EGFR: variants seen among roughly 807,000 people sequenced by gnomAD.
EGFR encodes avian erythroblastic leukemia viral (v-erb-b) oncogene homolog.
In EGFR, 58 loss-of-function variants were observed where a neutral mutation model predicts 143.0. That is an observed-to-expected ratio of 0.41 (90% confidence interval 0.33 to 0.50). The LOEUF (loss-of-function observed/expected upper bound fraction) is 0.50, where lower values mean the gene tolerates loss of function less well. Among genes scored for constraint, EGFR ranks in the 20% least tolerant of loss-of-function variants. The pLI, the probability that EGFR is intolerant of heterozygous loss-of-function variation, is 0.39. For missense variants in EGFR, 1,307 were observed against 1,579.0 expected (o/e 0.83, Z 2.92); for synonymous variants, 613 against 594.4 (o/e 1.03, Z -0.45).
intron 15 of EGFR, among the ~76,000 whole-genome samples, chr7:55,167,302 T>C (rs1265499317): frequency 7.2e-6 from 1 of 138,960 alleles, no homozygotes; most frequent in East Asian, 2.5e-4. Context: ...GGAGTCACAA[T>C]GGTGGTGGTG....
intron 19 of EGFR, among the ~76,000 whole-genome samples, chr7:55,176,171 T>C (rs1420370355): frequency 6.6e-6 from 1 of 152,216 alleles, no homozygotes; most frequent in Non-Finnish European, 1.5e-5. Flanking sequence ...TTAATTCATT[T>C]TTTATTCATT....
intron 1 of EGFR, among the ~76,000 whole-genome samples, chr7:55,073,625 G>A (rs1166523128): frequency 6.6e-6 from 1 of 152,122 alleles, no homozygotes; most frequent in African/African-American, 2.4e-5. Context: ...CAGTTGTTAT[G>A]GGCATTTATA....
At chr7:55,109,289 T>C (rs1792321569) in intron 1 of EGFR, among the ~76,000 whole-genome samples, 2 of 152,230 alleles carry the variant, frequency 1.3e-5, no homozygotes, top group African/African-American at 4.8e-5. Flanking sequence ...CTCATCTTCT[T>C]CCCAAGCATC....
chr7:55,036,203 T>C (rs1787559412), intron 1 of EGFR, among the ~76,000 whole-genome samples: 1 of 144,762 alleles, frequency 6.9e-6, no homozygotes, highest in Non-Finnish European at 1.5e-5. Flanking sequence ...CTTATAGTTT[T>C]TGGATTAACT....
chr7:55,023,053 T>C (rs571209464), intron 1 of EGFR, among the ~76,000 whole-genome samples: 1 of 152,300 alleles, frequency 6.6e-6, no homozygotes, highest in South Asian at 2.1e-4. Context: ...AGGCAATTGA[T>C]GATTATGGGC....
intron 25 of EGFR, 69 bp downstream of exon 25, chr7:55,201,424 G>A (rs2128971965): frequency 1.9e-6 from 3 of 1,605,206 alleles, no homozygotes; most frequent in Non-Finnish European, 2.6e-6. Context: ...GAATTTTAGG[G>A]AAAATAACCA....
intron 20 of EGFR, among the ~76,000 whole-genome samples, chr7:55,189,678 G>A (rs925950613): frequency 6.6e-6 from 1 of 152,188 alleles, no homozygotes; most frequent in African/African-American, 2.4e-5. Flanking sequence ...GCTCTTTACT[G>A]TAGGCCTGTG....
chr7:55,030,037 G>A lies in EGFR; in HGVS notation c.88+10672G>A, dbSNP rs117949442. Among the ~76,000 whole-genome samples, 727 of 152,242 alleles carry A rather than the reference G, an allele frequency of 4.8e-3. 5 individuals carry two copies. Among genetic ancestry groups the A allele is most frequent in the South Asian group, 0.03 (144 of 4,822 alleles). On this transcript the variant is annotated intron_variant, in intron 1 of 27. Transcript: ENST00000275493. Reference sequence around the variant, plus strand: ...CTCTCAGCCTCCTACAACCCCACAGGATTGGGATAGCTTTCCAGATTGGGA... The same window carrying A: ...CTCTCAGCCTCCTACAACCCCACAGAATTGGGATAGCTTTCCAGATTGGGA...
intron 20 of EGFR, among the ~76,000 whole-genome samples, chr7:55,190,413 G>A (rs530862248): frequency 6.6e-6 from 1 of 152,216 alleles, no homozygotes; most frequent in South Asian, 2.1e-4. Flanking sequence ...ATCTTTGCGA[G>A]ACCCTAGGTT....
intron 1 of EGFR, among the ~76,000 whole-genome samples, chr7:55,135,229 T>C (rs1794069520): frequency 6.6e-6 from 1 of 151,992 alleles, no homozygotes; most frequent in Non-Finnish European, 1.5e-5. Flanking sequence ...GTTTGGGTAT[T>C]CTGTTCCCTA....
chr7:55,087,912 CA>C (rs1790862548), intron 1 of EGFR, among the ~76,000 whole-genome samples: 1 of 152,188 alleles, frequency 6.6e-6, no homozygotes, highest in African/African-American at 2.4e-5. Flanking sequence ...TGACATGAGT[CA>C]CTTTGGGCCT....
At position 55,019,315 on chromosome 7, in the gene EGFR, C is replaced by A. The variant is rs567894670; in HGVS notation, c.38C>A (p.Ala13Glu). Reference protein sequence around the residue: ...PSGTAGAALLALLAALCPASR... With the variant: ...PSGTAGAALLELLAALCPASR... ...GGGACGGCCGGGGCAGCGCTCCTGG[C>A]GCTGCTGGCTGCGCTCTGCCCGGCG... The change falls in exon 1 of 28, where the codon GCG becomes GAG. Residue 13 changes from alanine to glutamate, a missense_variant. Physicochemically the swap from Ala to Glu is moderately radical, Grantham distance 107. Coordinates refer to ENST00000275493, the MANE Select transcript of EGFR (RefSeq NM_005228.5). The A allele has an allele frequency of 6.6e-7, 1 of 1,522,070 alleles. No individual in the cohort carries two copies. Among genetic ancestry groups the A allele is most frequent in the South Asian group, 1.2e-5 (1 of 84,078 alleles). The allele number at this position is 1,522,070 out of a possible 1,614,324, so 94.3% of individuals were successfully genotyped here.
At position 55,146,756 on chromosome 7, in the gene EGFR, A is replaced by C. The variant is rs762104816; in HGVS notation, c.559+16A>C. 3 of 1,614,108 alleles carry C rather than the reference A, an allele frequency of 1.9e-6. No individual in the cohort carries two copies. The Admixed American group carries it at 5.0e-5, about 27-fold the overall frequency. Reference sequence around the variant, plus strand: ...CTGGGCAGCTGTAAGTGTCGCATACACACTATCTCTGCCTCCAGCTCCTAT... The same window carrying C: ...CTGGGCAGCTGTAAGTGTCGCATACCCACTATCTCTGCCTCCAGCTCCTAT... On this transcript the variant is annotated intron_variant, in intron 4 of 27. Transcript: ENST00000275493.
intron 1 of EGFR, among the ~76,000 whole-genome samples, chr7:55,126,286 A>G (rs185015768): frequency 9.0e-4 from 137 of 152,352 alleles, no homozygotes; most frequent in African/African-American, 3.1e-3. Flanking sequence ...AGTCAATGCT[A>G]TGTCCCAGGA....
At chr7:55,045,838 T>C (rs928617370) in intron 1 of EGFR, among the ~76,000 whole-genome samples, 3 of 152,232 alleles carry the variant, frequency 2.0e-5, no homozygotes, top group Non-Finnish European at 4.4e-5. Context: ...GCCACAATTG[T>C]TGGCTGTTCG....
At chr7:55,191,119 G>A (rs537080467) in intron 20 of EGFR, among the ~76,000 whole-genome samples, 11 of 152,252 alleles carry the variant, frequency 7.2e-5, no homozygotes, top group African/African-American at 2.6e-4. Flanking sequence ...CAATTGCAGC[G>A]AGATTGTGGA....
In EGFR at chr7:55,038,177, G is replaced by A. The variant is rs73696513; in HGVS notation, c.88+18812G>A. Among the ~76,000 whole-genome samples, 466 of 152,296 alleles carry A rather than the reference G, an allele frequency of 3.1e-3. 3 individuals are homozygous for A. Among genetic ancestry groups the A allele is most frequent in the South Asian group, 0.012 (56 of 4,814 alleles). ...GTTTTTGGAAATAGTACAAACTGGA[G>A]GTGAAACCCTGGAAATTGATCTGTC... On this transcript the variant is annotated intron_variant, in intron 1 of 27. Transcript: ENST00000275493.
chr7:55,065,127 G>A (rs143624993), intron 1 of EGFR, among the ~76,000 whole-genome samples: 193 of 152,306 alleles, frequency 1.3e-3, no homozygotes, highest in African/African-American at 4.5e-3. Context: ...ATGATTGCTC[G>A]CTTAATACTG....
intron 15 of EGFR, among the ~76,000 whole-genome samples, chr7:55,167,918 G>A (rs1786148228): frequency 6.6e-6 from 1 of 152,236 alleles, no homozygotes; most frequent in Non-Finnish European, 1.5e-5. Context: ...TAAAGGTAAT[G>A]GGAATAGCTC....
Sources: allele counts gnomAD v4.1 joint callset (sites outside exome capture counted in the v4.1 genomes callset), GRCh38; gene constraint gnomAD v4.1.1; transcripts MANE v1.5; gene names NCBI Gene and HGNC (gene_info 2026-07-23, HGNC 2026-07-21).